The following AMPH variants were observed in gnomAD, a reference collection of about 807,000 sequenced individuals.
The protein encoded by AMPH is amphiphysin, also known as amphiphysin (Stiff-Mann syndrome with breast cancer 128kD autoantigen).
In AMPH, 49 loss-of-function variants were observed where a neutral mutation model predicts 99.1. The ratio of observed to expected loss-of-function variants is 0.49; its 90% CI spans 0.39 to 0.63. The LOEUF is 0.63. Ranked by LOEUF, AMPH falls within the 20% of genes least tolerant of loss-of-function variation. AMPH has a pLI of 0.00. For missense variants in AMPH, 759 were observed against 863.4 expected (o/e 0.88, Z 1.52); for synonymous variants, 314 against 317.3 (o/e 0.99, Z 0.11).
intron 5 of AMPH, among the ~76,000 whole-genome samples, chr7:38,488,206 A>T (rs1054249932): frequency 1.1e-4 from 16 of 152,152 alleles, no homozygotes; most frequent in African/African-American, 3.1e-4. Flanking sequence ...CTCATTCTAC[A>T]ATAAAGACAC....
In AMPH at chr7:38,550,597, T is replaced by C. The variant is rs186584669; in HGVS notation, c.70-15586A>G. The stretch of plus-strand genomic sequence containing the variant: ...TATAAGTGTCATTTTGTTACATGGA[T>C]ATACTGCGTAGTGGTGATGTCTGGG... On this transcript the variant is annotated intron_variant, in intron 1 of 20. Transcript: ENST00000356264. 9.2e-5 allele frequency among the ~76,000 whole-genome samples: 14 copies of C among 152,354 alleles called. No individual in the cohort carries two copies. The East Asian group carries it at 2.7e-3, about 29-fold the overall frequency.
In AMPH at chr7:38,422,410, A is replaced by G. The variant is rs770698275; in HGVS notation, c.1272+11T>C. 2 of 1,611,438 alleles carry G rather than the reference A, an allele frequency of 1.2e-6. No homozygotes were observed. The highest frequency in any genetic ancestry group is 1.7e-6 in the Non-Finnish European group (2 of 1,177,970). The stretch of plus-strand genomic sequence containing the variant: ...ACAACTTCCTGAGAGCACAAACCCA[A>G]ATCAACTTACCAAGTTGCAGATCAT... On this transcript the variant is annotated intron_variant, in intron 16 of 20. Coordinates refer to ENST00000356264, the MANE Select transcript of AMPH (RefSeq NM_001635.4).
chr7:38,614,822 A>C (rs960982137), intron 1 of AMPH, among the ~76,000 whole-genome samples: 1 of 152,164 alleles, frequency 6.6e-6, no homozygotes, highest in Non-Finnish European at 1.5e-5. Context: ...AGTTGCTGGG[A>C]TATAACTACT....
intron 1 of AMPH, among the ~76,000 whole-genome samples, chr7:38,559,669 T>C (rs1791489245): frequency 6.6e-6 from 1 of 152,218 alleles, no homozygotes; most frequent in African/African-American, 2.4e-5. Context: ...TACCCTATAA[T>C]ATAGGTACAT....
At chr7:38,596,135 A>G (rs369967682) in intron 1 of AMPH, among the ~76,000 whole-genome samples, 1 of 152,220 alleles carries the variant, frequency 6.6e-6, no homozygotes, top group Admixed American at 6.5e-5. Context: ...AGAAATCTCC[A>G]AACTGAGAAA....
At chr7:38,428,969 CA>C (rs1344647384) in intron 14 of AMPH, 2 of 1,268,828 alleles carry the variant, frequency 1.6e-6, no homozygotes, top group African/African-American at 3.1e-5. Context: ...GAAGTTCTAC[CA>C]CTCTGTTTCC....
chr7:38,454,057 A>G (rs528558436), intron 11 of AMPH, among the ~76,000 whole-genome samples: 4 of 152,366 alleles, frequency 2.6e-5, no homozygotes, highest in Non-Finnish European at 5.9e-5. Context: ...CAATCTGGCC[A>G]TGCACCGATA....
chr7:38,496,874 G>GAGA (rs1309375938), intron 3 of AMPH, among the ~76,000 whole-genome samples: 11 of 151,578 alleles, frequency 7.3e-5, no homozygotes, highest in Middle Eastern at 3.4e-3. Context: ...AATGTCTTAA[G>GAGA]AGAAGAAAAA....
At chr7:38,389,067 T>C (rs1784421487) in intron 20 of AMPH, among the ~76,000 whole-genome samples, 1 of 152,230 alleles carries the variant, frequency 6.6e-6, no homozygotes, top group African/African-American at 2.4e-5. Context: ...TATTAAGTCT[T>C]AACCTCAAAG....
chr7:38,448,857 G>T (rs1289055957), intron 11 of AMPH, among the ~76,000 whole-genome samples: 2 of 152,116 alleles, frequency 1.3e-5, no homozygotes, highest in Non-Finnish European at 2.9e-5. Context: ...AGACCTTCTA[G>T]GAAATTGTTT....
intron 1 of AMPH, among the ~76,000 whole-genome samples, chr7:38,585,329 G>A (rs1397890935): frequency 1.3e-5 from 2 of 152,178 alleles, no homozygotes; most frequent in Non-Finnish European, 2.9e-5. Context: ...AAGGGAACAA[G>A]TATCCTTTCT....
intron 2 of AMPH, among the ~76,000 whole-genome samples, chr7:38,512,280 G>A (rs957581458): frequency 1.3e-5 from 2 of 152,162 alleles, no homozygotes; most frequent in African/African-American, 4.8e-5. Context: ...CCATCAATGG[G>A]AACCAATAAA....
At chr7:38,620,364 C>CTGTGTGTGTG (rs377389687) in intron 1 of AMPH, among the ~76,000 whole-genome samples, 1 of 114,098 alleles carries the variant, frequency 8.8e-6, no homozygotes, top group Admixed American at 8.7e-5. Flanking sequence ...GTGTGTGTGT[C>CTGTGTGTGTG]TGTGTGTGTG....
intron 15 of AMPH, among the ~76,000 whole-genome samples, chr7:38,423,435 G>A (rs1407548747): frequency 6.6e-6 from 1 of 152,172 alleles, no homozygotes; most frequent in Non-Finnish European, 1.5e-5. Context: ...TGACATCAGG[G>A]GATGCCTAAC....
chr7:38,408,603 T>C (rs773864111), intron 17 of AMPH, among the ~76,000 whole-genome samples: 3 of 151,910 alleles, frequency 2.0e-5, no homozygotes, highest in South Asian at 2.1e-4. Context: ...CTACTAAAGA[T>C]ACAACGGCGT....
At chr7:38,436,637 T>C (rs142763980) in intron 11 of AMPH, among the ~76,000 whole-genome samples, 78 of 152,316 alleles carry the variant, frequency 5.1e-4, no homozygotes, top group African/African-American at 1.8e-3. Context: ...GCTCTTGTCC[T>C]TTGTCTAGCT....
At chr7:38,553,173 C>T (rs1791238432) in intron 1 of AMPH, among the ~76,000 whole-genome samples, 1 of 152,230 alleles carries the variant, frequency 6.6e-6, no homozygotes, top group Admixed American at 6.5e-5. Flanking sequence ...ACCATTTTCT[C>T]TCCTTGCCTC....
At chr7:38,494,683 A>G (rs543585851) in intron 3 of AMPH, among the ~76,000 whole-genome samples, 156 bp from the exon 4 acceptor site, 8 of 152,218 alleles carry the variant, frequency 5.3e-5, no homozygotes, top group Admixed American at 4.6e-4. Flanking sequence ...CTGCTGTTGT[A>G]TCTTTCTTTG....
intron 17 of AMPH, among the ~76,000 whole-genome samples, chr7:38,407,632 T>C (rs913749367): frequency 2.0e-5 from 3 of 151,482 alleles, no homozygotes; most frequent in African/African-American, 7.3e-5. Flanking sequence ...AATTTTAAAT[T>C]AAAAAAATTC....
Sources: gnomAD v4.1 joint callset for allele counts (sites outside exome capture counted in the v4.1 genomes callset) on GRCh38, gnomAD v4.1.1 for gene constraint, MANE v1.5 for transcripts, NCBI Gene and HGNC (gene_info 2026-07-23, HGNC 2026-07-21) for gene names.